MYO1E: variants seen among roughly 807,000 people sequenced by gnomAD.
The protein encoded by MYO1E is myosin IE, also known as unconventional myosin-Ie.
Under a neutral mutation model 151.1 loss-of-function variants are expected in MYO1E, and 68 were observed. The ratio of observed to expected loss-of-function variants is 0.45; its 90% CI spans 0.37 to 0.55. MYO1E has a LOEUF of 0.55. Among genes scored for constraint, MYO1E ranks in the 20% least tolerant of loss-of-function variants. The probability of loss-of-function intolerance (pLI) is 0.00; values close to 1 mark genes in which losing one functional copy is unlikely to be tolerated. For missense variants in MYO1E, 1,363 were observed against 1,389.3 expected (o/e 0.98, Z 0.30); for synonymous variants, 601 against 501.7 (o/e 1.20, Z -2.64).
intron 1 of MYO1E, among the ~76,000 whole-genome samples, chr15:59,345,652 G>C (rs931614254): frequency 1.3e-5 from 2 of 152,170 alleles, no homozygotes; most frequent in Non-Finnish European, 2.9e-5. Flanking sequence ...GGAAAGACAG[G>C]GAAATGCAAA....
chr15:59,236,875 G>A (rs574813556), intron 4 of MYO1E, among the ~76,000 whole-genome samples: 9 of 152,226 alleles, frequency 5.9e-5, no homozygotes, highest in South Asian at 2.1e-4. Context: ...CGTGTGAGCC[G>A]GATTAACATG....
intron 1 of MYO1E, among the ~76,000 whole-genome samples, chr15:59,274,500 G>T (rs1370624427): frequency 6.6e-6 from 1 of 152,110 alleles, no homozygotes; most frequent in African/African-American, 2.4e-5. Flanking sequence ...GAAAACTAGG[G>T]TCCCAGAGTA....
chr15:59,181,768 G>T (rs1367814703), intron 18 of MYO1E, among the ~76,000 whole-genome samples: 1 of 152,146 alleles, frequency 6.6e-6, no homozygotes, highest in Non-Finnish European at 1.5e-5. Context: ...ATATAGGGAG[G>T]GTGTATAATA....
intron 22 of MYO1E, among the ~76,000 whole-genome samples, chr15:59,167,961 G>C (rs894468678): frequency 3.3e-5 from 5 of 152,130 alleles, no homozygotes; most frequent in Non-Finnish European, 7.3e-5. Context: ...TTACAGGTGT[G>C]AGCCACCACA....
intron 18 of MYO1E, 115 bp downstream of exon 18, chr15:59,188,003 C>A (rs2079709053): frequency 1.2e-6 from 1 of 816,688 alleles, no homozygotes. Flanking sequence ...TTGCACAACT[C>A]TGTGAATACG....
Position 59,231,805 on chromosome 15 carries a change from T to A in MYO1E, c.421-14A>T, listed in dbSNP as rs201452431. 3 of 1,613,768 alleles carry A rather than the reference T, an allele frequency of 1.9e-6. No individual in the cohort carries two copies. The highest frequency in any genetic ancestry group is 2.2e-5 in the South Asian group (2 of 91,084). On this transcript the variant is annotated splice_polypyrimidine_tract_variant and intron_variant, in intron 5 of 27. Coordinates refer to ENST00000288235, the MANE Select transcript of MYO1E (RefSeq NM_004998.4). ...GTCCTTCACGTGCTGTCCCAGCAAATAGACCGGAGGTTAGGAAGGTGTGAA... is the reference window on the plus strand; with the variant it reads ...GTCCTTCACGTGCTGTCCCAGCAAAAAGACCGGAGGTTAGGAAGGTGTGAA...
chr15:59,357,306 G>T (rs1162644358), intron 1 of MYO1E, among the ~76,000 whole-genome samples: 2 of 152,072 alleles, frequency 1.3e-5, no homozygotes, highest in Admixed American at 1.3e-4. Flanking sequence ...GGGATACAAA[G>T]CTGAACGAGA....
chr15:59,208,433 G>C (rs1248414109), intron 14 of MYO1E: 1 of 594,282 alleles, frequency 1.7e-6, no homozygotes, highest in East Asian at 3.0e-5. Flanking sequence ...CATTCTTGCT[G>C]GTTTATACCT....
intron 1 of MYO1E, among the ~76,000 whole-genome samples, chr15:59,338,795 C>T (rs1567019003): frequency 6.6e-6 from 1 of 152,178 alleles, no homozygotes; most frequent in Non-Finnish European, 1.5e-5. Flanking sequence ...GGTCTATCAA[C>T]ATCTAAAAAT....
intron 1 of MYO1E, among the ~76,000 whole-genome samples, chr15:59,363,196 C>A (rs2080895323): frequency 6.6e-6 from 1 of 152,078 alleles, no homozygotes. Flanking sequence ...CCAGGATGGT[C>A]TCGATCTCCT....
At chr15:59,217,505 C>T (rs1291634144) in intron 10 of MYO1E, among the ~76,000 whole-genome samples, 2 of 127,130 alleles carry the variant, frequency 1.6e-5, no homozygotes, top group South Asian at 5.6e-4. Flanking sequence ...ACACAAAACC[C>T]TCAGTCGTTT....
At chr15:59,203,147 C>G (rs1429656690) in intron 15 of MYO1E, among the ~76,000 whole-genome samples, 1 of 152,202 alleles carries the variant, frequency 6.6e-6, no homozygotes, top group African/African-American at 2.4e-5. Flanking sequence ...AGCAGAGTTT[C>G]TGAGTCTGGG....
intron 12 of MYO1E, among the ~76,000 whole-genome samples, chr15:59,211,907 C>T (rs999581365): frequency 6.6e-6 from 1 of 152,030 alleles, no homozygotes; most frequent in Admixed American, 6.6e-5. Flanking sequence ...GGTTTTTAAA[C>T]TTCCATTCTA....
intron 1 of MYO1E, among the ~76,000 whole-genome samples, chr15:59,340,042 G>C (rs2080755660): frequency 1.3e-5 from 2 of 152,032 alleles, no homozygotes; most frequent in Non-Finnish European, 2.9e-5. Context: ...TTTTAGTAGA[G>C]ACAGAATTTT....
intron 1 of MYO1E, among the ~76,000 whole-genome samples, chr15:59,281,096 T>C (rs954238623): frequency 1.3e-5 from 2 of 152,120 alleles, no homozygotes; most frequent in African/African-American, 4.8e-5. Context: ...TTTACGTAAT[T>C]TCCTCTTCGC....
chr15:59,359,328 T>TA (rs200251303), intron 1 of MYO1E, among the ~76,000 whole-genome samples: 1,818 of 132,610 alleles, frequency 0.014, 26 homozygotes, highest in Non-Finnish European at 0.02. Context: ...ATATATATAT[T>TA]TTTTTTTTTA....
At chr15:59,283,839 A>T (rs2080371249) in intron 1 of MYO1E, among the ~76,000 whole-genome samples, 1 of 152,222 alleles carries the variant, frequency 6.6e-6, no homozygotes, top group African/African-American at 2.4e-5. Context: ...CAGCAGTTGG[A>T]AACAGCAATA....
At chr15:59,320,596 T>C (rs763006579) in intron 1 of MYO1E, among the ~76,000 whole-genome samples, 1 of 152,236 alleles carries the variant, frequency 6.6e-6, no homozygotes, top group Non-Finnish European at 1.5e-5. Flanking sequence ...AAGAACTTCC[T>C]ATTCAATAAA....
At chr15:59,256,703 G>A (rs1033933245) in intron 3 of MYO1E, among the ~76,000 whole-genome samples, 10 of 152,098 alleles carry the variant, frequency 6.6e-5, no homozygotes, top group African/African-American at 1.4e-4. Context: ...ACCCATACAC[G>A]CCTCTGCAGG....
Sources: allele counts gnomAD v4.1 joint callset (sites outside exome capture counted in the v4.1 genomes callset), GRCh38; gene constraint gnomAD v4.1.1; transcripts MANE v1.5; gene names NCBI Gene and HGNC (gene_info 2026-07-23, HGNC 2026-07-21).